CUL5: variants seen among roughly 807,000 people sequenced by gnomAD.
CUL5 encodes the protein cullin-5.
In CUL5, 26 loss-of-function variants were observed where a neutral mutation model predicts 108.8. The ratio of observed to expected loss-of-function variants is 0.24; its 90% CI spans 0.18 to 0.33. The LOEUF is 0.33. Among genes scored for constraint, CUL5 ranks in the 10% least tolerant of loss-of-function variants. The pLI, the probability that CUL5 is intolerant of heterozygous loss-of-function variation, is 1.00. For missense variants in CUL5, 524 were observed against 909.2 expected, an observed-to-expected ratio of 0.58 and a Z score of 5.45; for synonymous variants, 334 against 298.0, an observed-to-expected ratio of 1.12 and a Z score of -1.25.
At position 108,090,173 on chromosome 11, in the gene CUL5, T is replaced by C. The variant is rs907255352; in HGVS notation, c.1443+550T>C. ...ACTCCCATTTGTACCTCAACTCTCA[T>C]TTAAACTGACCTTATTAATAAATAG... On this transcript the variant is annotated intron_variant, in intron 13 of 18. Transcript: ENST00000393094. Among the ~76,000 whole-genome samples, 3 of 152,086 alleles carry C rather than the reference T, an allele frequency of 2.0e-5. No homozygotes were observed. The East Asian group carries it at 5.8e-4, about 29-fold the overall frequency.
intron 11 of CUL5, among the ~76,000 whole-genome samples, chr11:108,085,710 A>G (rs1292079376): frequency 6.6e-6 from 1 of 152,204 alleles, no homozygotes; most frequent in Non-Finnish European, 1.5e-5. Context: ...CACTTATTGT[A>G]TGATAACATT....
chr11:108,103,961 C>A (rs1025805565), intron 18 of CUL5, among the ~76,000 whole-genome samples: 2 of 151,938 alleles, frequency 1.3e-5, no homozygotes, highest in East Asian at 3.9e-4. Context: ...CCTCCCCTAT[C>A]CCCCCACCCC....
At chr11:108,042,480 C>A (rs1276669155) in intron 2 of CUL5, among the ~76,000 whole-genome samples, 1 of 152,044 alleles carries the variant, frequency 6.6e-6, no homozygotes, top group Non-Finnish European at 1.5e-5. Flanking sequence ...CTTTGGCTTC[C>A]CTAAGAGCTG....
chr11:108,026,521 G>A (rs1034482788), intron 1 of CUL5, among the ~76,000 whole-genome samples: 1 of 151,946 alleles, frequency 6.6e-6, no homozygotes, highest in East Asian at 1.9e-4. Flanking sequence ...ACATTCTTTT[G>A]CCTTCTCCTC....
At chr11:108,026,758 A>G (rs929603379) in intron 1 of CUL5, among the ~76,000 whole-genome samples, 1 of 152,096 alleles carries the variant, frequency 6.6e-6, no homozygotes, top group Non-Finnish European at 1.5e-5. Flanking sequence ...TGGGAGGCTG[A>G]GGTGGGCGGA....
At position 108,106,687 on chromosome 11, in the gene CUL5, A is replaced by C. The variant is rs921149353; in HGVS notation, c.*2303A>C. 2 of 152,044 alleles carry C rather than the reference A, an allele frequency of 1.3e-5. No individual in the cohort carries two copies. The highest frequency in any genetic ancestry group is 4.8e-5 in the African/African-American group (2 of 41,276). The allele number at this position is 152,044 out of a possible 1,614,324, so 9.4% of individuals were successfully genotyped here. A position where few individuals can be genotyped will look rare whatever the true frequency, so the allele number is the denominator to read the frequency against. Reference sequence around the variant, plus strand: ...ATTTGCTAATTTAAAAAAAAATGAAAAAAAAAATCTTACCAGCAGTTTGTA... The same window carrying C: ...ATTTGCTAATTTAAAAAAAAATGAACAAAAAAATCTTACCAGCAGTTTGTA... On this transcript the variant is annotated 3_prime_UTR_variant, in exon 19 of 19. Transcript: ENST00000393094.
chr11:108,011,391 A>T (rs1862053799), intron 1 of CUL5, among the ~76,000 whole-genome samples: 1 of 152,204 alleles, frequency 6.6e-6, no homozygotes, highest in African/African-American at 2.4e-5. Flanking sequence ...CACAGCACAG[A>T]CCTGTGAATG....
At chr11:108,029,560 C>G (rs1467157010) in intron 1 of CUL5, among the ~76,000 whole-genome samples, 1 of 152,098 alleles carries the variant, frequency 6.6e-6, no homozygotes, top group African/African-American at 2.4e-5. Context: ...ATAAGGCATT[C>G]TGTTTTGTAG....
At chr11:108,055,391 G>A in intron 7 of CUL5, among the ~76,000 whole-genome samples, 1 of 151,868 alleles carries the variant, frequency 6.6e-6, no homozygotes, top group South Asian at 2.1e-4. Flanking sequence ...TATTCCTAGG[G>A]GATATTTCTT....
intron 11 of CUL5, 35 bp from the exon 12 acceptor site, chr11:108,088,492 A>G (rs1864276610): frequency 2.6e-6 from 4 of 1,566,374 alleles, no homozygotes; most frequent in Non-Finnish European, 2.6e-6. Context: ...AACATTAATC[A>G]TTTTTCCATC....
chr11:108,058,210 A>C (rs1395003892), intron 7 of CUL5, among the ~76,000 whole-genome samples: 3 of 26,498 alleles, frequency 1.1e-4, no homozygotes, highest in Non-Finnish European at 3.1e-4. Flanking sequence ...CTCTGTCTCA[A>C]AAAAAAAAAA....
In CUL5 at chr11:108,054,963, A is replaced by AT; in HGVS notation, c.780+12dup. 6.4e-7 allele frequency: 1 copy of AT among 1,566,236 alleles called. No individual in the cohort carries two copies. The highest frequency in any genetic ancestry group is 8.7e-7 in the Non-Finnish European group (1 of 1,148,328). Reference sequence around the variant, plus strand: ...TGTAACTCCGTTGAAGCAGTAAGTAATTTTGTAATTGTACATTTTATGGGA... The same window carrying AT: ...TGTAACTCCGTTGAAGCAGTAAGTAATTTTTGTAATTGTACATTTTATGGGA... On this transcript the variant is annotated intron_variant, in intron 7 of 18. Coordinates refer to ENST00000393094, the MANE Select transcript of CUL5 (RefSeq NM_003478.6).
intron 12 of CUL5, among the ~76,000 whole-genome samples, chr11:108,089,215 A>AT (rs1468270123): frequency 3.9e-4 from 60 of 152,086 alleles, no homozygotes; most frequent in African/African-American, 9.7e-5. Flanking sequence ...GGGGACATTG[A>AT]TTTTTTTCAT....
intron 7 of CUL5, among the ~76,000 whole-genome samples, chr11:108,060,769 G>A (rs1158977178): frequency 7.2e-5 from 11 of 151,944 alleles, no homozygotes; most frequent in Admixed American, 1.3e-4. Context: ...CCCGGGAGGC[G>A]GAGGTTGCAG....
chr11:108,036,713 A>G (rs1862754803), intron 2 of CUL5, among the ~76,000 whole-genome samples: 1 of 152,190 alleles, frequency 6.6e-6, no homozygotes, highest in African/African-American at 2.4e-5. Context: ...CTTGACCTCA[A>G]AGTTACCTGC....
rs1861997272 is a variant in CUL5, at chr11:108,009,295, G to A, written c.-54G>A. On this transcript the variant is annotated 5_prime_UTR_variant, in exon 1 of 19. Coordinates refer to ENST00000393094, the MANE Select transcript of CUL5 (RefSeq NM_003478.6). ...AGCTCCGGCCTCCGGTCAAGGCCTG[G>A]CCGGGAGCGCCACGAATTCTCGCGT... is the stretch of plus-strand genomic sequence containing the variant. 1.2e-6 allele frequency: 2 copies of A among 1,606,204 alleles called. No individual in the cohort carries two copies. The highest frequency in any genetic ancestry group is 1.7e-6 in the Non-Finnish European group (2 of 1,174,176).
At chr11:108,082,035 G>T (rs895054024) in intron 11 of CUL5, among the ~76,000 whole-genome samples, 2 of 152,108 alleles carry the variant, frequency 1.3e-5, no homozygotes, top group Non-Finnish European at 2.9e-5. Context: ...GCATTGAATT[G>T]TATTAATGTT....
intron 18 of CUL5, among the ~76,000 whole-genome samples, chr11:108,100,385 A>G (rs1258394703): frequency 6.6e-6 from 1 of 152,090 alleles, no homozygotes; most frequent in Non-Finnish European, 1.5e-5. Flanking sequence ...TCTACTAAAA[A>G]TACAAAAACT....
Position 108,089,536 on chromosome 11 carries a change from G to T in CUL5, c.1356G>T (p.Arg452Ser). 1 of 1,550,638 alleles carries T rather than the reference G, an allele frequency of 6.4e-7. No individual in the cohort carries two copies. Among genetic ancestry groups the T allele is most frequent in the Non-Finnish European group, 8.7e-7 (1 of 1,151,078 alleles). Residue 452 changes from arginine to serine, a missense_variant, in exon 13 of 19, where the codon AGG becomes AGT. Physicochemically the swap from Arg to Ser is moderately radical, Grantham distance 110 (BLOSUM62 -1). Transcript: ENST00000393094. ...KYVQNKDVFM[R>S]YHKAHLTRRL... ...TACAGAACAAAGATGTTTTTATGAG[G>T]TATCATAAAGCTCATTTGACACGAC...
Sources: gnomAD v4.1 joint callset for allele counts (sites outside exome capture counted in the v4.1 genomes callset) on GRCh38, gnomAD v4.1.1 for gene constraint, MANE v1.5 for transcripts, NCBI Gene and HGNC (gene_info 2026-07-23, HGNC 2026-07-21) for gene names.